The following MORN1 variants were observed in gnomAD, a reference collection of about 807,000 sequenced individuals.
MORN1 encodes MORN repeat containing 1.
A neutral mutation model predicts 61.9 loss-of-function variants in MORN1; 67 were observed. The ratio of observed to expected loss-of-function variants is 1.08; its 90% CI spans 0.89 to 1.33. The LOEUF (loss-of-function observed/expected upper bound fraction) is 1.33, where lower values mean the gene tolerates loss of function less well. Ranked by LOEUF, MORN1 falls within the 40% of genes most tolerant of loss-of-function variation. The pLI is 0.00. For synonymous variants in MORN1, 301 were observed against 292.0 expected, an observed-to-expected ratio of 1.03 and a Z score of -0.31; for missense variants, 752 against 691.2, an observed-to-expected ratio of 1.09 and a Z score of -0.99.
intron 10 of MORN1, among the ~76,000 whole-genome samples, chr1:2,340,254 C>G (rs1210407653): frequency 6.6e-6 from 1 of 152,160 alleles, no homozygotes; most frequent in Non-Finnish European, 1.5e-5. Context: ...GCACCACGTT[C>G]AGCCAGATGA....
chr1:2,391,339 G>T, intron 1 of MORN1, 119 bp downstream of exon 1: 1 of 1,156,970 alleles, frequency 8.6e-7, no homozygotes, highest in Non-Finnish European at 1.1e-6. Flanking sequence ...TGGCTCCGCC[G>T]CGGCACCTGG....
intron 13 of MORN1, chr1:2,322,487 C>G: frequency 2.0e-6 from 2 of 985,384 alleles, no homozygotes; most frequent in Non-Finnish European, 2.4e-6. Context: ...CCTGTGCGTT[C>G]CCAGGGCTGG....
chr1:2,390,407 C>T, intron 1 of MORN1: 1 of 984,578 alleles, frequency 1.0e-6, no homozygotes, highest in Non-Finnish European at 1.2e-6. Context: ...ACTCTCCCAT[C>T]CCCTGCCGTG....
intron 13 of MORN1, chr1:2,321,986 A>G: frequency 1.0e-4 from 92 of 904,766 alleles, no homozygotes; most frequent in Non-Finnish European, 1.1e-4. Context: ...GAGAAAAATA[A>G]TTCATTCCCT....
intron 10 of MORN1, among the ~76,000 whole-genome samples, chr1:2,345,952 T>C (rs1641506575): frequency 6.6e-6 from 1 of 152,130 alleles, no homozygotes; most frequent in Non-Finnish European, 1.5e-5. Flanking sequence ...CTGCCAAAGA[T>C]GCAGCCTGCA....
chr1:2,372,037 C>T lies in MORN1; in HGVS notation c.745+444G>A, dbSNP rs987306808. On this transcript the variant is annotated intron_variant, in intron 8 of 13. Transcript: ENST00000378531. This position sits in a 1 kb window ranked among gnomAD's most constrained non-coding sequence, Gnocchi z 5.4. ...TTGTATACACATGTCCACAGCAGCACTATTCATAACAGCCCAAGGTACAAA... is the reference window on the plus strand; with the variant it reads ...TTGTATACACATGTCCACAGCAGCATTATTCATAACAGCCCAAGGTACAAA... 2.7e-4 allele frequency: 52 copies of T among 190,926 alleles called. No individual in the cohort carries two copies. The highest frequency in any genetic ancestry group is 5.6e-5 in the Non-Finnish European group (5 of 89,708). The allele number at this position is 190,926 out of a possible 1,614,324, so 11.8% of individuals were successfully genotyped here.
rs59175712 is a variant in MORN1 at position 2,325,287 on chromosome 1, CCTCTCTCTCT to C, written c.1251-1154_1251-1145del. Among the ~76,000 whole-genome samples the C allele has an allele frequency of 2.9e-5, 4 of 136,458 alleles. No homozygotes were observed. In the East Asian group the frequency reaches 8.8e-4, roughly 30 times the overall value. The allele number at this position is 136,458 out of a possible 152,430, so 89.5% of individuals were successfully genotyped here. On this transcript the variant is annotated intron_variant, in intron 12 of 13. Transcript: ENST00000378531. ...TCTCTGCCTCTCTTTCTCTCTCTCT[CCTCTCTCTCT>C]CTCTCTCTTTTTCTCTCCTTTCTTT...
At chr1:2,368,109 C>T (rs113171617) in intron 8 of MORN1, among the ~76,000 whole-genome samples, 150 of 152,312 alleles carry the variant, frequency 9.8e-4, no homozygotes, top group African/African-American at 2.9e-3. Flanking sequence ...TGACTGCCCA[C>T]AAAATGGAAA....
chr1:2,348,107 TTG>T (rs1557875915), intron 10 of MORN1, among the ~76,000 whole-genome samples: 2 of 152,156 alleles, frequency 1.3e-5, no homozygotes, highest in Non-Finnish European at 2.9e-5. Flanking sequence ...CGAGCTCTCA[TTG>T]TGTCTTCAGT....
At position 2,324,134 on chromosome 1, in the gene MORN1, C is replaced by T. The variant is rs1280807345; in HGVS notation, c.1260G>A (p.Gly420=). 5 of 1,599,746 alleles carry T rather than the reference C, an allele frequency of 3.1e-6. No homozygotes were observed. The highest frequency in any genetic ancestry group is 3.4e-6 in the Non-Finnish European group (4 of 1,174,552). The stretch of plus-strand genomic sequence containing the variant: ...CCGCAGCCTGCTCCTCCGTGGCTCT[C>T]CCCTCAGGCCTGTGGAGACGACACA... ...QEPPGGSRPE[G]RATEEQAAAA... Residue 420 remains glycine, a synonymous_variant, in exon 13 of 14, where the codon GGG becomes GGA. Transcript: ENST00000378531.
chr1:2,391,424 G>C, intron 1 of MORN1, 34 bp downstream of exon 1: 1 of 1,255,562 alleles, frequency 8.0e-7, no homozygotes, highest in Non-Finnish European at 1.0e-6. Context: ...GCCCAGGGCA[G>C]CCAGCGACCT....
chr1:2,370,831 A>T (rs982495123), intron 8 of MORN1, among the ~76,000 whole-genome samples: 9 of 151,790 alleles, frequency 5.9e-5, no homozygotes, highest in Admixed American at 1.3e-4. Context: ...CGCATGCACT[A>T]CCATGACCAG....
Position 2,334,638 on chromosome 1 carries a change from A to G in MORN1, c.1250+1831T>C, listed in dbSNP as rs1641227685. Among the ~76,000 whole-genome samples the G allele has an allele frequency of 1.3e-5, 2 of 152,234 alleles. No homozygotes were observed. Among genetic ancestry groups the G allele is most frequent in the South Asian group, 4.1e-4 (2 of 4,828 alleles). On this transcript the variant is annotated intron_variant, in intron 12 of 13. Coordinates refer to ENST00000378531, the MANE Select transcript of MORN1 (RefSeq NM_024848.3). This position sits in a 1 kb window ranked among gnomAD's most constrained non-coding sequence, Gnocchi z 5.4. ...CAGGGGAAGTGGCCGCTGGTCACAG[A>G]TGTGTGCCCCGAAGAGACGACATCA...
rs538917990 is a variant in MORN1, at chr1:2,387,459, G to A, written c.318C>T (p.Gly106=). 3.0e-5 allele frequency: 49 copies of A among 1,613,610 alleles called. No homozygotes were observed. The Admixed American group carries it at 4.2e-4, about 14-fold the overall frequency. ...QGYGVMEYKA[G]GCYEGEVSHG... is the part of the protein sequence containing the mutation. ...GGGAGACCTCCCCTTCATAACATCC[G>A]CCGGCTTTGTACTCCATGACGCCGT... Residue 106 remains glycine (G), a synonymous_variant, in exon 4 of 14, where the codon GGC becomes GGT. Coordinates refer to ENST00000378531, the MANE Select transcript of MORN1 (RefSeq NM_024848.3).
chr1:2,367,383 ACT>A (rs1385921959), intron 8 of MORN1, among the ~76,000 whole-genome samples: 1 of 151,354 alleles, frequency 6.6e-6, no homozygotes, highest in Admixed American at 6.6e-5. Context: ...ATTTTGGGAG[ACT>A]GAGGTGGGAG....
chr1:2,352,131 G>T, intron 10 of MORN1: 1 of 385,856 alleles, frequency 2.6e-6, no homozygotes, highest in Non-Finnish European at 5.0e-6. Context: ...GTGTTTGTGA[G>T]CTTTTTGTCC....
At chr1:2,387,228 G>A (rs1340795826) in intron 4 of MORN1, 191 bp downstream of exon 4, 1 of 605,388 alleles carries the variant, frequency 1.7e-6, no homozygotes, top group Non-Finnish European at 3.0e-6. Flanking sequence ...GACCCGCTGG[G>A]CATACTGGTG....
intron 4 of MORN1, chr1:2,386,927 GC>G (rs1212813026): frequency 6.2e-6 from 1 of 160,490 alleles, no homozygotes; most frequent in Non-Finnish European, 1.4e-5. Context: ...ACTTGCTTGG[GC>G]CAACAGAATG....
chr1:2,325,123 C>CTTCCCTCCCTCCCTTCCTTCCT (rs1640981418), intron 12 of MORN1, among the ~76,000 whole-genome samples: 1 of 40,176 alleles, frequency 2.5e-5, no homozygotes, highest in Non-Finnish European at 4.1e-5. Flanking sequence ...CCTTCCTTCC[C>CTTCCCTCCCTCCCTTCCTTCCT]TTCCTTCCTT....
Sources: gnomAD v4.1 joint callset for allele counts (sites outside exome capture counted in the v4.1 genomes callset) on GRCh38, gnomAD v4.1.1 for gene constraint, Gnocchi (gnomAD v3.1) non-coding constraint, MANE v1.5 for transcripts, NCBI Gene and HGNC (gene_info 2026-07-23, HGNC 2026-07-21) for gene names.